The following FBXL17 variants were observed in gnomAD, a reference collection of about 807,000 sequenced individuals.
The protein encoded by FBXL17 is F-box and leucine rich repeat protein 17, also known as F-box/LRR-repeat protein 17.
In FBXL17, 22 loss-of-function variants were observed where a neutral mutation model predicts 66.2. The ratio of observed to expected loss-of-function variants is 0.33; its 90% CI spans 0.24 to 0.47. The LOEUF (loss-of-function observed/expected upper bound fraction) is 0.47. Ranked by LOEUF, FBXL17 falls within the 20% of genes least tolerant of loss-of-function variation. FBXL17 has a pLI of 1.00. For missense variants in FBXL17, 878 were observed against 948.2 expected, an observed-to-expected ratio of 0.93 and a Z score of 0.97; for synonymous variants, 474 against 400.5, an observed-to-expected ratio of 1.18 and a Z score of -2.19.
At chr5:108,002,544 T>C (rs1460173012) in intron 7 of FBXL17, among the ~76,000 whole-genome samples, 1 of 152,048 alleles carries the variant, frequency 6.6e-6, no homozygotes, top group Non-Finnish European at 1.5e-5. Context: ...CTAAGATAAA[T>C]GAGAACACGT....
chr5:108,336,433 T>A (rs1318638639), intron 4 of FBXL17, among the ~76,000 whole-genome samples: 1 of 152,152 alleles, frequency 6.6e-6, no homozygotes, highest in East Asian at 1.9e-4. Context: ...TTTTCAAGAA[T>A]CAAGTAGTTA....
chr5:107,967,403 C>A (rs1199018046), intron 7 of FBXL17, among the ~76,000 whole-genome samples: 1 of 151,254 alleles, frequency 6.6e-6, no homozygotes, highest in South Asian at 2.1e-4. Context: ...GTTTATATAC[C>A]CTTCTCCGAG....
At chr5:108,340,276 C>T (rs1441667368) in intron 4 of FBXL17, among the ~76,000 whole-genome samples, 1 of 151,708 alleles carries the variant, frequency 6.6e-6, no homozygotes, top group Non-Finnish European at 1.5e-5. Context: ...TTAGGCCAGG[C>T]ATGGTGGCTG....
intron 7 of FBXL17, among the ~76,000 whole-genome samples, chr5:107,986,015 A>G (rs574887641): frequency 2.0e-5 from 3 of 152,202 alleles, no homozygotes; most frequent in African/African-American, 7.2e-5. Context: ...AAGACACAAA[A>G]CCTAACAACT....
At chr5:108,190,608 T>C (rs1020128470) in intron 5 of FBXL17, among the ~76,000 whole-genome samples, 15 of 152,222 alleles carry the variant, frequency 9.9e-5, no homozygotes, top group African/African-American at 3.4e-4. Flanking sequence ...CCTAAAGTTT[T>C]ATTTTTCACA....
At chr5:108,219,242 G>C (rs773488132) in intron 5 of FBXL17, among the ~76,000 whole-genome samples, 172 of 152,116 alleles carry the variant, frequency 1.1e-3, no homozygotes, top group Non-Finnish European at 1.9e-3. Flanking sequence ...ATCTGGGATG[G>C]GAGTATTGGA....
intron 5 of FBXL17, among the ~76,000 whole-genome samples, chr5:108,222,963 T>C (rs1754936294): frequency 6.6e-6 from 1 of 152,078 alleles, no homozygotes; most frequent in South Asian, 2.1e-4. Flanking sequence ...AGTGATCCAT[T>C]GTGCCTGGCC....
intron 7 of FBXL17, 133 bp downstream of exon 7, chr5:108,020,792 G>T: frequency 1.7e-6 from 1 of 591,766 alleles, no homozygotes; most frequent in Non-Finnish European, 3.0e-6. Flanking sequence ...TTTATTTTTT[G>T]GTATGGTCAC....
intron 7 of FBXL17, among the ~76,000 whole-genome samples, chr5:107,924,537 C>G (rs1399900782): frequency 6.6e-6 from 1 of 152,164 alleles, no homozygotes; most frequent in Admixed American, 6.6e-5. Flanking sequence ...CAGGCCAGTA[C>G]TAATCCTCTA....
At chr5:108,057,464 A>C (rs966513829) in intron 6 of FBXL17, among the ~76,000 whole-genome samples, 1 of 152,122 alleles carries the variant, frequency 6.6e-6, no homozygotes. Context: ...TTTCCCATTT[A>C]AGGGTCCCAA....
At chr5:107,927,200 AGC>A (rs1257138818) in intron 7 of FBXL17, among the ~76,000 whole-genome samples, 1 of 152,210 alleles carries the variant, frequency 6.6e-6, no homozygotes, top group Non-Finnish European at 1.5e-5. Flanking sequence ...TTGGTGAACT[AGC>A]CATGACAGAG....
intron 3 of FBXL17, among the ~76,000 whole-genome samples, chr5:108,349,173 A>C (rs1167431451): frequency 4.6e-5 from 7 of 152,220 alleles, no homozygotes; most frequent in African/African-American, 1.7e-4. Context: ...TGTATTCATA[A>C]AACTGAATAT....
At chr5:108,289,720 A>T (rs1197046213) in intron 4 of FBXL17, among the ~76,000 whole-genome samples, 1 of 152,084 alleles carries the variant, frequency 6.6e-6, no homozygotes. Context: ...TGTTTTGGGG[A>T]AAATTTCTTA....
intron 6 of FBXL17, among the ~76,000 whole-genome samples, chr5:108,183,520 T>G (rs955966113): frequency 8.5e-5 from 13 of 152,362 alleles, no homozygotes; most frequent in African/African-American, 2.9e-4. Flanking sequence ...AATTTTACTT[T>G]GTAAACTTTG....
intron 5 of FBXL17, among the ~76,000 whole-genome samples, chr5:108,212,025 CT>C (rs1453134336): frequency 6.6e-6 from 1 of 152,064 alleles, no homozygotes; most frequent in Non-Finnish European, 1.5e-5. Context: ...TTGTTCGTTC[CT>C]TTTTATTCTT....
At chr5:108,311,614 T>C (rs1759120663) in intron 4 of FBXL17, among the ~76,000 whole-genome samples, 2 of 152,180 alleles carry the variant, frequency 1.3e-5, no homozygotes, top group Non-Finnish European at 2.9e-5. Context: ...TATCTCTCCT[T>C]GGACTGAGTC....
At chr5:108,297,060 T>C (rs1183084560) in intron 4 of FBXL17, among the ~76,000 whole-genome samples, 7 of 151,514 alleles carry the variant, frequency 4.6e-5, no homozygotes, top group Admixed American at 4.6e-4. Flanking sequence ...GGTAACAATA[T>C]ATAAATCACC....
intron 8 of FBXL17, among the ~76,000 whole-genome samples, chr5:107,874,821 G>C (rs182911697): frequency 4.2e-4 from 64 of 152,270 alleles, no homozygotes; most frequent in Non-Finnish European, 7.2e-4. Flanking sequence ...AATCAGGAGA[G>C]GGTTGTAAAA....
At position 108,364,919 on chromosome 5, in the gene FBXL17, C is replaced by T. The variant is rs1194296990; in HGVS notation, c.1193G>A (p.Ser398Asn). Reference sequence around the variant, plus strand: ...AACACATACGCCATTATCAGACATACTGCGACAATCAGAAATGTTGATTTC... The same window carrying T: ...AACACATACGCCATTATCAGACATATTGCGACAATCAGAAATGTTGATTTC... ...IIEINISDCR[S>N]MSDNGVCVLA... The change falls in exon 3 of 9, where the codon AGT becomes AAT. Residue 398 changes from serine (S) to asparagine (N), a missense_variant. Transcript: ENST00000542267. 1.2e-6 allele frequency: 2 copies of T among 1,612,578 alleles called. No individual in the cohort carries two copies. The highest frequency in any genetic ancestry group is 2.2e-5 in the East Asian group (1 of 44,842).
Sources: gnomAD v4.1 joint callset for allele counts (sites outside exome capture counted in the v4.1 genomes callset) on GRCh38, gnomAD v4.1.1 for gene constraint, MANE v1.5 for transcripts, NCBI Gene and HGNC (gene_info 2026-07-23, HGNC 2026-07-21) for gene names.